Variants in MAPK10 observed in about 807,000 individuals in gnomAD.
MAPK10 encodes the protein JNK3 alpha protein kinase.
Under a neutral mutation model 59.3 loss-of-function variants are expected in MAPK10, and 25 were observed. That is an observed-to-expected ratio of 0.42 (90% CI 0.31 to 0.59). The LOEUF is 0.59. Ranked by LOEUF, MAPK10 falls within the 20% of genes least tolerant of loss-of-function variation. MAPK10 has a pLI of 0.15. For synonymous variants in MAPK10, 190 were observed against 200.5 expected (o/e 0.95, Z 0.44); for missense variants, 351 against 568.9 (o/e 0.62, Z 3.90).
intron 1 of MAPK10, among the ~76,000 whole-genome samples, chr4:86,392,879 G>A (rs1742425236): frequency 6.6e-6 from 1 of 152,212 alleles, no homozygotes; most frequent in Non-Finnish European, 1.5e-5. Context: ...AGACTTTGGG[G>A]AGATGGAGAG....
intron 1 of MAPK10, among the ~76,000 whole-genome samples, chr4:86,412,415 T>C (rs541300191): frequency 1.3e-5 from 2 of 152,316 alleles, no homozygotes; most frequent in Middle Eastern, 3.4e-3. Flanking sequence ...TTTGTGGTGT[T>C]CTCCGTATTT....
chr4:86,101,533 A>G, intron 7 of MAPK10: 2 of 372,696 alleles, frequency 5.4e-6, no homozygotes, highest in African/African-American at 2.0e-5. Flanking sequence ...CAACATATAT[A>G]TCATTTCTAG....
chr4:86,233,408 T>C (rs1276812365), intron 2 of MAPK10, among the ~76,000 whole-genome samples: 1 of 152,092 alleles, frequency 6.6e-6, no homozygotes, highest in African/African-American at 2.4e-5. Flanking sequence ...GTGAAAAATA[T>C]AAACTCTCTG....
intron 9 of MAPK10, among the ~76,000 whole-genome samples, chr4:86,096,806 A>G (rs2054304651): frequency 6.6e-6 from 1 of 152,050 alleles, no homozygotes; most frequent in Non-Finnish European, 1.5e-5. Flanking sequence ...AGATAAGTAA[A>G]GTGAAATAAA....
intron 1 of MAPK10, among the ~76,000 whole-genome samples, chr4:86,538,434 C>G (rs1393905905): frequency 6.6e-6 from 1 of 152,204 alleles, no homozygotes; most frequent in African/African-American, 2.4e-5. Context: ...GTGTGAGCCA[C>G]CGCACCCGGC....
intron 4 of MAPK10, among the ~76,000 whole-genome samples, chr4:86,147,615 CACCAAAATATGAAAGAAT>C (rs1240111935): frequency 2.0e-5 from 3 of 152,124 alleles, no homozygotes; most frequent in Non-Finnish European, 4.4e-5. Flanking sequence ...CTTACATTGA[CACCAAAATATGAAAGAAT>C]ACTTTTAGTA....
At chr4:86,031,909 T>C (rs1682828212) in intron 11 of MAPK10, 1 of 152,932 alleles carries the variant, frequency 6.5e-6, no homozygotes, top group Admixed American at 6.5e-5. Context: ...ATAGTACTAG[T>C]CCTCAATATA....
intron 2 of MAPK10, among the ~76,000 whole-genome samples, chr4:86,199,803 T>A (rs964975778): frequency 1.3e-5 from 2 of 152,040 alleles, no homozygotes; most frequent in African/African-American, 4.8e-5. Flanking sequence ...AGTGTTCTGC[T>A]GGGCCTTGTG....
chr4:86,554,773 C>A (rs1760124764), intron 1 of MAPK10, among the ~76,000 whole-genome samples: 1 of 152,136 alleles, frequency 6.6e-6, no homozygotes, highest in Non-Finnish European at 1.5e-5. Flanking sequence ...TTAACAATTT[C>A]CCCTGATTTT....
In MAPK10 at chr4:86,036,564, A is replaced by T. The variant is rs190218241; in HGVS notation, c.1111-5133T>A. ...GGAAACTAAGATTCAAGGAAATTTT[A>T]AAAAATATATCATGAAGTCATATAG... On this transcript the variant is annotated intron_variant, in intron 11 of 13. Coordinates refer to ENST00000641462, the MANE Select transcript of MAPK10 (RefSeq NM_138982.4). 6.4e-3 allele frequency among the ~76,000 whole-genome samples: 981 copies of T among 152,308 alleles called. 13 individuals are homozygous for T. Among genetic ancestry groups the T allele is most frequent in the African/African-American group, 0.022 (933 of 41,566 alleles).
intron 2 of MAPK10, among the ~76,000 whole-genome samples, chr4:86,248,590 C>G (rs1291198565): frequency 6.6e-6 from 1 of 152,112 alleles, no homozygotes; most frequent in African/African-American, 2.4e-5. Context: ...TTTTATGATA[C>G]CACAAGGAAG....
chr4:86,574,604 G>A (rs1761733507), intron 1 of MAPK10, among the ~76,000 whole-genome samples: 1 of 152,164 alleles, frequency 6.6e-6, no homozygotes, highest in Non-Finnish European at 1.5e-5. Context: ...CATTCTAACT[G>A]GTGTGAGATG....
At chr4:86,473,442 G>GA (rs1199127149) in intron 1 of MAPK10, among the ~76,000 whole-genome samples, 1 of 152,090 alleles carries the variant, frequency 6.6e-6, no homozygotes, top group Non-Finnish European at 1.5e-5. Context: ...TATTTAAAAA[G>GA]AAAAAATTCT....
At chr4:86,284,287 T>C (rs897575568) in intron 2 of MAPK10, among the ~76,000 whole-genome samples, 6 of 152,200 alleles carry the variant, frequency 3.9e-5, no homozygotes, top group African/African-American at 1.2e-4. Flanking sequence ...GAGGAAGAAC[T>C]TGCATTCTGG....
At chr4:86,218,038 G>A (rs895287236) in intron 2 of MAPK10, among the ~76,000 whole-genome samples, 5 of 151,936 alleles carry the variant, frequency 3.3e-5, no homozygotes, top group African/African-American at 9.7e-5. Flanking sequence ...TCATCACACT[G>A]ATTCAATGAA....
In MAPK10 at chr4:86,458,557, T is replaced by C. The variant is rs530786908; in HGVS notation, c.-262-103913A>G. On this transcript the variant is annotated intron_variant, in intron 1 of 4. Coordinates refer to the MAPK10 transcript ENST00000502302. ...AGTCATCAAAACAGCATGGTGCTGG[T>C]ATAAATATAGGCATATAGACCAATG... 6.4e-4 allele frequency among the ~76,000 whole-genome samples: 97 copies of C among 152,172 alleles called. 1 individual carries two copies. The highest frequency in any genetic ancestry group is 3.4e-3 in the Middle Eastern group (1 of 292).
intron 1 of MAPK10, among the ~76,000 whole-genome samples, chr4:86,428,574 A>G (rs1295738697): frequency 6.7e-6 from 1 of 150,322 alleles, no homozygotes; most frequent in Non-Finnish European, 1.5e-5. Context: ...ATAGATAGAT[A>G]GATAGACAGA....
chr4:86,525,803 A>T (rs113960141), intron 1 of MAPK10, among the ~76,000 whole-genome samples: 74 of 152,358 alleles, frequency 4.9e-4, no homozygotes, highest in African/African-American at 1.6e-3. Flanking sequence ...GCAAAACGTA[A>T]GACAATATAG....
At chr4:86,263,165 A>C (rs1342414616) in intron 2 of MAPK10, among the ~76,000 whole-genome samples, 1 of 152,158 alleles carries the variant, frequency 6.6e-6, no homozygotes, top group Non-Finnish European at 1.5e-5. Context: ...TCTTGTTGTT[A>C]CTTTCCTCAG....
Sources: allele counts gnomAD v4.1 joint callset (sites outside exome capture counted in the v4.1 genomes callset), GRCh38; gene constraint gnomAD v4.1.1; transcripts MANE v1.5; gene names NCBI Gene and HGNC (gene_info 2026-07-23, HGNC 2026-07-21).